AGGF1: variants seen among roughly 807,000 people sequenced by gnomAD.
AGGF1 encodes angiogenic factor with G-patch and FHA domains 1.
In AGGF1, 56 loss-of-function variants were observed where a neutral mutation model predicts 86.5. The ratio of observed to expected loss-of-function variants is 0.65; its 90% CI spans 0.52 to 0.81. The LOEUF (loss-of-function observed/expected upper bound fraction) is 0.81, where lower values mean the gene tolerates loss of function less well. AGGF1 is among the 30% of genes least tolerant of loss of function. The probability of loss-of-function intolerance (pLI) is 0.00; values close to 1 mark genes in which losing one functional copy is unlikely to be tolerated. For synonymous variants in AGGF1, 313 were observed against 297.1 expected (o/e 1.05, Z -0.55); for missense variants, 816 against 850.9 (o/e 0.96, Z 0.51).
chr5:77,062,466 T>C (rs1030458244), intron 13 of AGGF1, among the ~76,000 whole-genome samples: 2 of 152,212 alleles, frequency 1.3e-5, no homozygotes, highest in African/African-American at 4.8e-5. Flanking sequence ...TTACTAGCTA[T>C]GTGGCTTTGG....
At chr5:77,033,860 A>G (rs1210419694) in intron 1 of AGGF1, among the ~76,000 whole-genome samples, 1 of 152,168 alleles carries the variant, frequency 6.6e-6, no homozygotes, top group East Asian at 1.9e-4. Flanking sequence ...ATGTAGTAGC[A>G]TCCTTTTAAG....
Position 77,039,515 on chromosome 5 carries a change from T to G in AGGF1, c.682-16T>G, listed in dbSNP as rs757165849. On this transcript the variant is annotated splice_polypyrimidine_tract_variant and intron_variant, in intron 4 of 13. Coordinates refer to ENST00000312916, the MANE Select transcript of AGGF1 (RefSeq NM_018046.5). Reference sequence around the variant, plus strand: ...TCTTACATGAATAGAATTTATTTTTTTCTTGACTTTCAAAGGAAAATCAAC... The same window carrying G: ...TCTTACATGAATAGAATTTATTTTTGTCTTGACTTTCAAAGGAAAATCAAC... 6.8e-5 allele frequency: 108 copies of G among 1,581,134 alleles called. No individual in the cohort carries two copies. The highest frequency in any genetic ancestry group is 2.4e-4 in the South Asian group (21 of 87,154).
At position 77,034,567 on chromosome 5, in the gene AGGF1, C is replaced by G. The variant is rs955298159; in HGVS notation, c.313+47C>G. ...TATGCTAACACTGTTACATTCAAAT[C>G]ATGCTAATGTTGCGTTTTCTTTTAA... On this transcript the variant is annotated intron_variant, in intron 2 of 13. Coordinates refer to ENST00000312916, the MANE Select transcript of AGGF1 (RefSeq NM_018046.5). 2.4e-6 allele frequency: 3 copies of G among 1,268,598 alleles called. No homozygotes were observed. The African/African-American group carries it at 4.4e-5, about 19-fold the overall frequency. The allele number at this position is 1,268,598 out of a possible 1,614,324, so 78.6% of individuals were successfully genotyped here.
intron 5 of AGGF1, among the ~76,000 whole-genome samples, chr5:77,040,684 A>C (rs946987626): frequency 1.3e-5 from 2 of 152,246 alleles, no homozygotes; most frequent in African/African-American, 4.8e-5. Context: ...CTAAACAGGT[A>C]AGTTTGGTGG....
intron 5 of AGGF1, among the ~76,000 whole-genome samples, chr5:77,044,116 G>A (rs1386293360): frequency 2.1e-5 from 3 of 142,818 alleles, no homozygotes; most frequent in Middle Eastern, 3.4e-3. Context: ...AGGCAGAGGG[G>A]CTCCTCACAT....
chr5:77,054,416 C>T (rs1007778627), intron 10 of AGGF1, among the ~76,000 whole-genome samples: 4 of 152,150 alleles, frequency 2.6e-5, no homozygotes, highest in African/African-American at 2.4e-5. Flanking sequence ...AATAATTTAG[C>T]TTCATGATAT....
rs762216752 is a variant in AGGF1 at position 77,034,445 on chromosome 5, C to A, written c.238C>A (p.Arg80Ser). 6.2e-7 allele frequency: 1 copy of A among 1,612,990 alleles called. No homozygotes were observed. Among genetic ancestry groups the A allele is most frequent in the Non-Finnish European group, 8.5e-7 (1 of 1,179,196 alleles). ...QVEELSKILQRGRNEDNKKSD... is the reference protein window; with the variant it reads ...QVEELSKILQSGRNEDNKKSD... ...GGAAGAACTCAGTAAAATACTCCAA[C>A]GTGGGAGAAATGAAGATAATAAAAA... Residue 80 changes from arginine to serine, a missense_variant, in exon 2 of 14, where the codon CGT becomes AGT. Physicochemically the swap from Arg to Ser is moderately radical, Grantham distance 110. Coordinates refer to ENST00000312916, the MANE Select transcript of AGGF1 (RefSeq NM_018046.5).
chr5:77,059,529 A>G, intron 11 of AGGF1, 87 bp from the exon 12 acceptor site: 5 of 1,205,340 alleles, frequency 4.1e-6, no homozygotes, highest in Non-Finnish European at 4.8e-6. Flanking sequence ...GCCACATTGA[A>G]TCATATTCGT....
At chr5:77,058,060 G>C (rs191977130) in intron 11 of AGGF1, among the ~76,000 whole-genome samples, 7 of 152,318 alleles carry the variant, frequency 4.6e-5, no homozygotes, top group Non-Finnish European at 4.4e-5. Context: ...GGTCTGGAGA[G>C]TTGGATTACA....
rs1313115863 is a variant in AGGF1 at position 77,030,779 on chromosome 5, G to A, written c.13G>A (p.Ala5Thr). The A allele has an allele frequency of 1.3e-6, 2 of 1,578,936 alleles. No individual in the cohort carries two copies. The highest frequency in any genetic ancestry group is 4.6e-5 in the East Asian group (2 of 43,492). The change falls in exon 1 of 14, where the codon GCG (alanine) becomes ACG (threonine). Residue 5 changes from alanine to threonine, a missense_variant. Transcript: ENST00000312916. MASE[A>T]PSPPRSPPPP... is the part of the protein sequence containing the mutation. Reference sequence around the variant, plus strand: ...CGCGCCGGAGCTCATGGCCTCGGAGGCGCCGTCCCCGCCGCGGTCGCCGCC... The same window carrying A: ...CGCGCCGGAGCTCATGGCCTCGGAGACGCCGTCCCCGCCGCGGTCGCCGCC...
Position 77,046,513 on chromosome 5 carries a change from T to A in AGGF1, c.1037T>A (p.Leu346His). ...AGTGGAAATACTATAGAGTCTCCTC[T>A]TCATGAAAACATCTCTAATTCAACA... is the stretch of plus-strand genomic sequence containing the variant. ...PTSGNTIESP[L>H]HENISNSTSF... The change falls in exon 6 of 14, where the codon CTT (leucine) becomes CAT (histidine). Residue 346 changes from leucine (L) to histidine (H), a missense_variant. Physicochemically the swap from Leu to His is moderately conservative, Grantham distance 99. Around this residue, in one of 3 missense-constraint regions of AGGF1, gnomAD observed 565 missense variants for 585.8 expected, o/e 0.96. Transcript: ENST00000312916. 6.2e-7 allele frequency: 1 copy of A among 1,614,054 alleles called. No homozygotes were observed. Among genetic ancestry groups the A allele is most frequent in the Non-Finnish European group, 8.5e-7 (1 of 1,179,956 alleles).
intron 13 of AGGF1, 44 bp downstream of exon 13, chr5:77,061,846 C>A: frequency 6.4e-7 from 1 of 1,554,050 alleles, no homozygotes; most frequent in Non-Finnish European, 8.9e-7. Context: ...CTAGAGCAGA[C>A]ATTTACCGTG....
At chr5:77,048,326 A>AT (rs1444595345) in intron 7 of AGGF1, 54 bp downstream of exon 7, 1 of 1,341,782 alleles carries the variant, frequency 7.5e-7, no homozygotes, top group Non-Finnish European at 1.1e-6. Flanking sequence ...GAAAGGCTTT[A>AT]TTAAGAGCAT....
At chr5:77,044,896 C>T (rs1747215382) in intron 5 of AGGF1, among the ~76,000 whole-genome samples, 1 of 152,152 alleles carries the variant, frequency 6.6e-6, no homozygotes, top group South Asian at 2.1e-4. Context: ...AACCCCATCT[C>T]TACTAAAAAT....
chr5:77,042,824 C>T (rs1580127651), intron 5 of AGGF1, among the ~76,000 whole-genome samples: 1 of 68,084 alleles, frequency 1.5e-5, no homozygotes, highest in African/African-American at 4.2e-5. Flanking sequence ...ACCCCCCCAC[C>T]TCCCTCCCGG....
chr5:77,030,569 G>T lies in AGGF1; in HGVS notation c.-198G>T. 1 of 722,042 alleles carries T rather than the reference G, an allele frequency of 1.4e-6. No homozygotes were observed. The highest frequency in any genetic ancestry group is 1.5e-5 in the South Asian group (1 of 67,226). 44.7% of individuals were successfully genotyped at this position (722,042 alleles called of 1,614,324 possible). On this transcript the variant is annotated 5_prime_UTR_variant, in exon 1 of 14. Coordinates refer to ENST00000312916, the MANE Select transcript of AGGF1 (RefSeq NM_018046.5). Reference sequence around the variant, plus strand: ...GCACATCGGGCAGGGGCCATCCTCGGTCCCCTTGCTCGTTGCTCGCAGCCC... The same window carrying T: ...GCACATCGGGCAGGGGCCATCCTCGTTCCCCTTGCTCGTTGCTCGCAGCCC...
chr5:77,040,904 C>G (rs1314303993), intron 5 of AGGF1, among the ~76,000 whole-genome samples: 1 of 152,130 alleles, frequency 6.6e-6, no homozygotes, highest in Non-Finnish European at 1.5e-5. Flanking sequence ...TGCTCTGTCA[C>G]CCAGGTTGAG....
At chr5:77,037,819 A>G (rs1479229070) in intron 4 of AGGF1, among the ~76,000 whole-genome samples, 1 of 152,242 alleles carries the variant, frequency 6.6e-6, no homozygotes, top group Non-Finnish European at 1.5e-5. Flanking sequence ...AATGAGAACT[A>G]GGGAATTAAT....
intron 5 of AGGF1, among the ~76,000 whole-genome samples, chr5:77,041,932 T>A (rs1747095352): frequency 6.7e-6 from 1 of 150,334 alleles, no homozygotes; most frequent in African/African-American, 2.4e-5. Flanking sequence ...CAAAGGTCTC[T>A]GGTTTTCCTA....
Sources: gnomAD v4.1 joint callset for allele counts (sites outside exome capture counted in the v4.1 genomes callset) on GRCh38, gnomAD v4.1.1 for gene constraint, gnomAD v4.1.1 regional missense constraint, MANE v1.5 for transcripts, NCBI Gene and HGNC (gene_info 2026-07-23, HGNC 2026-07-21) for gene names.